Variants in IL1RAPL1 observed in about 807,000 individuals in gnomAD.
The protein encoded by IL1RAPL1 is interleukin 1 receptor accessory protein like 1, also known as interleukin-1 receptor accessory protein-like 1.
In IL1RAPL1, 3 loss-of-function variants were observed where a neutral mutation model predicts 48.4. That is an observed-to-expected ratio of 0.06 (90% CI 0.03 to 0.16). The LOEUF (loss-of-function observed/expected upper bound fraction) is 0.16. Among genes scored for constraint, IL1RAPL1 ranks in the 10% least tolerant of loss-of-function variants. The pLI is 1.00. For missense variants in IL1RAPL1, 349 were observed against 530.6 expected (o/e 0.66, Z 3.36); for synonymous variants, 185 against 187.7 (o/e 0.99, Z 0.12).
At chrX:28,830,620 A>G (rs755539334) in intron 2 of IL1RAPL1, among the ~76,000 whole-genome samples, 8 of 111,409 alleles carry the variant, frequency 7.2e-5, no homozygotes, top group Non-Finnish European at 1.5e-4. Context: ...GCTGATTTCA[A>G]GTCTGTCTAG....
chrX:29,149,975 C>A (rs1204123777), intron 2 of IL1RAPL1, among the ~76,000 whole-genome samples: 2 of 111,710 alleles, frequency 1.8e-5, no homozygotes, highest in Non-Finnish European at 3.8e-5. Flanking sequence ...TTAGATGTGA[C>A]CTATGGCATA....
At chrX:29,408,779 T>G (rs1343890887) in intron 5 of IL1RAPL1, among the ~76,000 whole-genome samples, 1 of 111,904 alleles carries the variant, frequency 8.9e-6, no homozygotes, top group African/African-American at 3.2e-5. Context: ...CAAAGAAAGG[T>G]TAAGTGGCTT....
chrX:29,852,909 C>CACAGAATT (rs1455871711), intron 6 of IL1RAPL1, among the ~76,000 whole-genome samples: 47 of 111,396 alleles, frequency 4.2e-4, no homozygotes, highest in African/African-American at 1.5e-3. Context: ...ATAATTATGG[C>CACAGAATT]ACAGAATTAA....
At chrX:28,678,911 C>T (rs1935028419) in intron 1 of IL1RAPL1, among the ~76,000 whole-genome samples, 1 of 112,167 alleles carries the variant, frequency 8.9e-6, no homozygotes, top group Admixed American at 9.5e-5. Context: ...GTGCAGGTAT[C>T]TTTTCCAGAA....
intron 1 of IL1RAPL1, among the ~76,000 whole-genome samples, chrX:28,737,046 CCTTTTCTTTTCTTTTCTTTT>C (rs146038961): frequency 4.9e-4 from 46 of 94,334 alleles, no homozygotes; most frequent in South Asian, 3.1e-3. Context: ...CTGAATATTT[CCTTTTCTTTTCTTTTCTTTT>C]CTTTTCTTTT....
chrX:29,774,553 A>C (rs1397754482), intron 6 of IL1RAPL1, among the ~76,000 whole-genome samples: 1 of 112,358 alleles, frequency 8.9e-6, no homozygotes, highest in Admixed American at 9.5e-5. Context: ...CCTAGTTCAA[A>C]TCCTAATTTA....
chrX:29,125,421 G>A (rs1384564953), intron 2 of IL1RAPL1, among the ~76,000 whole-genome samples: 1 of 111,811 alleles, frequency 8.9e-6, no homozygotes, highest in Admixed American at 9.5e-5. Flanking sequence ...GTAATGGCCA[G>A]CTTAACAAAT....
intron 2 of IL1RAPL1, among the ~76,000 whole-genome samples, chrX:29,117,285 T>C (rs907636577): frequency 5.4e-5 from 6 of 111,892 alleles, no homozygotes; most frequent in Middle Eastern, 4.2e-3. Flanking sequence ...ATAGCTAAGT[T>C]ATGTGACGAC....
chrX:28,744,078 C>T (rs911736947), intron 1 of IL1RAPL1, among the ~76,000 whole-genome samples: 2 of 111,171 alleles, frequency 1.8e-5, no homozygotes, highest in African/African-American at 6.5e-5. Context: ...TTTCCTCCCT[C>T]CCCTTCTTCT....
At chrX:28,929,600 T>A (rs1923828982) in intron 2 of IL1RAPL1, among the ~76,000 whole-genome samples, 1 of 112,624 alleles carries the variant, frequency 8.9e-6, no homozygotes, top group Non-Finnish European at 1.9e-5. Flanking sequence ...ATAATATCTT[T>A]GATCTCTGCC....
intron 8 of IL1RAPL1, 104 bp from the exon 9 acceptor site, chrX:29,941,547 C>A: frequency 1.2e-6 from 1 of 857,469 alleles, no homozygotes; most frequent in Non-Finnish European, 1.7e-6. Context: ...ACCCGTTAAC[C>A]CACATCTGAT....
At chrX:29,947,884 A>G (rs1472107218) in intron 9 of IL1RAPL1, among the ~76,000 whole-genome samples, 2 of 109,672 alleles carry the variant, frequency 1.8e-5, no homozygotes, top group Non-Finnish European at 3.8e-5. Flanking sequence ...TTCTGGGTAT[A>G]TGACTTGCCT....
At chrX:29,676,446 T>G (rs1171897362) in intron 6 of IL1RAPL1, among the ~76,000 whole-genome samples, 1 of 111,706 alleles carries the variant, frequency 9.0e-6, no homozygotes, top group Non-Finnish European at 1.9e-5. Flanking sequence ...TTTAGAAAAT[T>G]TATTTCCATC....
intron 1 of IL1RAPL1, among the ~76,000 whole-genome samples, chrX:28,757,249 C>A (rs1936115971): frequency 8.9e-6 from 1 of 112,609 alleles, no homozygotes. Flanking sequence ...GTCTTTACCT[C>A]TGTTTCTCAT....
At chrX:29,876,036 G>A (rs1006165394) in intron 6 of IL1RAPL1, among the ~76,000 whole-genome samples, 2 of 111,299 alleles carry the variant, frequency 1.8e-5, no homozygotes, top group Non-Finnish European at 3.8e-5. Context: ...CAAGATAGTA[G>A]ACAGATAGTA....
intron 6 of IL1RAPL1, among the ~76,000 whole-genome samples, chrX:29,761,112 CTT>C (rs1270325611): frequency 8.9e-6 from 1 of 111,900 alleles, no homozygotes; most frequent in Non-Finnish European, 1.9e-5. Flanking sequence ...GAAGTAAAAA[CTT>C]TGAATCTGAA....
chrX:29,872,614 A>G (rs1238583112), intron 6 of IL1RAPL1, among the ~76,000 whole-genome samples: 2 of 112,127 alleles, frequency 1.8e-5, no homozygotes, highest in East Asian at 2.8e-4. Flanking sequence ...GTTAGCTAGC[A>G]CTTAAGATGT....
At chrX:28,882,506 G>T (rs887303190) in intron 2 of IL1RAPL1, among the ~76,000 whole-genome samples, 2 of 111,386 alleles carry the variant, frequency 1.8e-5, no homozygotes, top group African/African-American at 3.3e-5. Flanking sequence ...AGCTGGGTGT[G>T]GTGGTGCACA....
chrX:29,112,362 T>A (rs1251876975), intron 2 of IL1RAPL1, among the ~76,000 whole-genome samples: 1 of 112,001 alleles, frequency 8.9e-6, no homozygotes, highest in African/African-American at 3.2e-5. Context: ...TACCCTAAGA[T>A]CATACAAATA....
Sources: allele counts gnomAD v4.1 joint callset (sites outside exome capture counted in the v4.1 genomes callset), GRCh38; gene constraint gnomAD v4.1.1; transcripts MANE v1.5; gene names NCBI Gene and HGNC (gene_info 2026-07-23, HGNC 2026-07-21).